Variants in SLC9B2 observed in about 807,000 individuals in gnomAD.
The protein encoded by SLC9B2 is solute carrier family 9 member B2, also known as sodium/hydrogen exchanger 9B2.
In SLC9B2, 39 loss-of-function variants were observed where a neutral mutation model predicts 52.2. The observed-to-expected ratio is 0.75, with a 90% confidence interval of 0.58 to 0.98. The LOEUF is 0.98. Ranked by LOEUF, SLC9B2 falls within the 50% of genes least tolerant of loss-of-function variation. The probability of loss-of-function intolerance (pLI) is 0.00; values close to 1 mark genes in which losing one functional copy is unlikely to be tolerated. For synonymous variants in SLC9B2, 214 were observed against 227.0 expected, an observed-to-expected ratio of 0.94 and a Z score of 0.51; for missense variants, 626 against 637.5, an observed-to-expected ratio of 0.98 and a Z score of 0.19.
At chr4:103,057,249 T>C (rs1745207707) in intron 4 of SLC9B2, among the ~76,000 whole-genome samples, 1 of 37,508 alleles carries the variant, frequency 2.7e-5, no homozygotes, top group East Asian at 5.4e-4. Context: ...TTTAAGTATA[T>C]ATATATATAT....
intron 1 of SLC9B2, among the ~76,000 whole-genome samples, chr4:103,072,375 T>C (rs1746738992): frequency 6.6e-6 from 1 of 152,186 alleles, no homozygotes; most frequent in Non-Finnish European, 1.5e-5. Context: ...CATATCTTTA[T>C]GTCAAATATC....
At chr4:103,019,988 G>T, downstream of SLC9B2, 1 of 938,576 alleles carries the variant, frequency 1.1e-6, no homozygotes, top group Non-Finnish European at 1.3e-6. Flanking sequence ...AACTCAGATT[G>T]TGTTTCCCCT....
intron 6 of SLC9B2, among the ~76,000 whole-genome samples, chr4:103,048,216 C>T (rs1401912977): frequency 2.6e-5 from 4 of 152,138 alleles, no homozygotes; most frequent in Non-Finnish European, 4.4e-5. Flanking sequence ...GCACTTTACA[C>T]GTATTCACTA....
At chr4:103,049,647 A>G (rs533816760) in intron 5 of SLC9B2, among the ~76,000 whole-genome samples, 2 of 152,292 alleles carry the variant, frequency 1.3e-5, no homozygotes, top group East Asian at 3.9e-4. Context: ...GTCTATATGT[A>G]CATCAGAGAA....
intron 3 of SLC9B2, among the ~76,000 whole-genome samples, chr4:103,060,984 C>T (rs1469520057): frequency 6.6e-6 from 1 of 152,170 alleles, no homozygotes; most frequent in Non-Finnish European, 1.5e-5. Context: ...TGGCATCACA[C>T]TGGGTTTCAA....
rs1166515240 is a variant in SLC9B2 at position 103,025,748 on chromosome 4, G to A, written c.*622C>T. ...AGGAACCTGGGTGGTCAGCTAGGGG[G>A]CAGGATAAAGTTTTTTGACATCTGG... On this transcript the variant is annotated 3_prime_UTR_variant, in exon 12 of 12. Coordinates refer to ENST00000394785, the MANE Select transcript of SLC9B2 (RefSeq NM_178833.7). 2 of 152,206 alleles carry A rather than the reference G, an allele frequency of 1.3e-5. No homozygotes were observed. The highest frequency in any genetic ancestry group is 2.9e-5 in the Non-Finnish European group (2 of 68,126). The allele number at this position is 152,206 out of a possible 1,614,324, so 9.4% of individuals were successfully genotyped here.
intron 9 of SLC9B2, among the ~76,000 whole-genome samples, chr4:103,032,890 G>T (rs945931123): frequency 5.3e-5 from 8 of 152,156 alleles, no homozygotes; most frequent in Non-Finnish European, 5.9e-5. Context: ...CAGCCCTGCA[G>T]GCAGGAATGT....
rs1421402853 is a variant in SLC9B2 at position 103,025,233 on chromosome 4, T to C, written c.*1137A>G. 6.6e-6 allele frequency among the ~76,000 whole-genome samples: 1 copy of C among 152,206 alleles called. No individual in the cohort carries two copies. Among genetic ancestry groups the C allele is most frequent in the Non-Finnish European group, 1.5e-5 (1 of 68,032 alleles). On this transcript the variant is annotated 3_prime_UTR_variant, in exon 12 of 12. Transcript: ENST00000394785. Reference sequence around the variant, plus strand: ...CTTGAGAGATAGAATGGAGATATGGTAGAGATCCATTTTTAACCCATTTAT... The same window carrying C: ...CTTGAGAGATAGAATGGAGATATGGCAGAGATCCATTTTTAACCCATTTAT...
intron 10 of SLC9B2, among the ~76,000 whole-genome samples, chr4:103,030,153 G>A (rs1337581032): frequency 6.6e-6 from 1 of 152,110 alleles, no homozygotes; most frequent in Non-Finnish European, 1.5e-5. Context: ...CATACAAGTG[G>A]TGCTGTCCAA....
At chr4:103,038,911 A>G (rs1243363520) in intron 9 of SLC9B2, among the ~76,000 whole-genome samples, 1 of 152,246 alleles carries the variant, frequency 6.6e-6, no homozygotes, top group Non-Finnish European at 1.5e-5. Context: ...TATAAGACCA[A>G]GCACAAAGTA....
chr4:103,028,728 G>A lies in SLC9B2; in HGVS notation c.1392+19C>T, dbSNP rs772658082. The A allele has an allele frequency of 6.3e-7, 1 of 1,590,922 alleles. No individual in the cohort carries two copies. Reference sequence around the variant, plus strand: ...GCAGAAATAGCAGTTAAAATGCTAAGCCATCCTATCCATCATACCTGAACT... The same window carrying A: ...GCAGAAATAGCAGTTAAAATGCTAAACCATCCTATCCATCATACCTGAACT... On this transcript the variant is annotated intron_variant, in intron 11 of 11. Transcript: ENST00000394785.
At chr4:103,059,927 A>G (rs1745477595) in intron 3 of SLC9B2, among the ~76,000 whole-genome samples, 1 of 152,162 alleles carries the variant, frequency 6.6e-6, no homozygotes, top group South Asian at 2.1e-4. Context: ...TTTATGTTAA[A>G]TTCTAGGTTG....
In SLC9B2 at chr4:103,044,954, A is replaced by G; in HGVS notation, c.932T>C (p.Val311Ala). 5 of 1,613,944 alleles carry G rather than the reference A, an allele frequency of 3.1e-6. No individual in the cohort carries two copies. The highest frequency in any genetic ancestry group is 4.2e-6 in the Non-Finnish European group (5 of 1,179,916). ...AACAGATCCAGTTGCCACACCAATT[A>G]CCACCTCCAAAACTCCTCTGAGGAC... ...FNVLRGVLEV[V>A]IGVATGSVLG... Residue 311 changes from valine to alanine, a missense_variant, in exon 8 of 12, where the codon GTA becomes GCA. Val to Ala is a moderately conservative substitution (Grantham distance 64). Coordinates refer to ENST00000394785, the MANE Select transcript of SLC9B2 (RefSeq NM_178833.7).
chr4:103,054,938 T>C (rs907456414), intron 4 of SLC9B2, among the ~76,000 whole-genome samples: 4 of 152,154 alleles, frequency 2.6e-5, no homozygotes, highest in African/African-American at 7.2e-5. Flanking sequence ...CACATGTACA[T>C]GTATGTTTAT....
In SLC9B2 at chr4:103,044,927, A is replaced by G; in HGVS notation, c.959T>C (p.Leu320Pro). Reference protein sequence around the residue: ...VVIGVATGSVLGFFIQYFPSR... With the variant: ...VVIGVATGSVPGFFIQYFPSR... ...TGGAAAGTACTGAATGAAAAATCCAAGAACAGATCCAGTTGCCACACCAAT... is the reference window on the plus strand; with the variant it reads ...TGGAAAGTACTGAATGAAAAATCCAGGAACAGATCCAGTTGCCACACCAAT... Residue 320 changes from leucine to proline, a missense_variant, in exon 8 of 12, where the codon CTT becomes CCT. Leu to Pro is a moderately conservative substitution (Grantham distance 98). Transcript: ENST00000394785. 1 of 1,614,016 alleles carries G rather than the reference A, an allele frequency of 6.2e-7. No individual in the cohort carries two copies. Among genetic ancestry groups the G allele is most frequent in the Non-Finnish European group, 8.5e-7 (1 of 1,179,902 alleles).
In SLC9B2 at chr4:103,057,918, A is replaced by G. The variant is rs1159128418; in HGVS notation, c.325T>C (p.Cys109Arg). The stretch of plus-strand genomic sequence containing the variant: ...CCAAATAGGTTTCCTCCAGGAAGAC[A>G]TTCACTGCCAGTAATTGACCAAACT... ...AVVWSITGSECLPGGNLFGII... is the reference protein window; with the variant it reads ...AVVWSITGSERLPGGNLFGII... The change falls in exon 4 of 12, where the codon TGT becomes CGT. Residue 109 changes from cysteine (C) to arginine (R), a missense_variant. Transcript: ENST00000394785. The G allele has an allele frequency of 6.2e-7, 1 of 1,614,014 alleles. No individual in the cohort carries two copies. Among genetic ancestry groups the G allele is most frequent in the Admixed American group, 1.7e-5 (1 of 59,986 alleles).
At chr4:103,030,362 T>TATA (rs1390404291) in intron 10 of SLC9B2, among the ~76,000 whole-genome samples, 1 of 152,118 alleles carries the variant, frequency 6.6e-6, no homozygotes, top group African/African-American at 2.4e-5. Flanking sequence ...ATAGGAAGTT[T>TATA]AAGAACTTAA....
In SLC9B2 at chr4:103,076,364, G is replaced by C. The variant is rs1384857753; in HGVS notation, c.-223C>G. 1 of 152,312 alleles carries C rather than the reference G, an allele frequency of 6.6e-6. No homozygotes were observed. Among genetic ancestry groups the C allele is most frequent in the South Asian group, 2.1e-4 (1 of 4,836 alleles). The allele number at this position is 152,312 out of a possible 1,614,324, so 9.4% of individuals were successfully genotyped here. A position where few individuals can be genotyped will look rare whatever the true frequency, so the allele number is the denominator to read the frequency against. Reference sequence around the variant, plus strand: ...AAACGGTCTCAGGGCGCGGCACCGCGTGTAGTCGGCCCCGCCTTTCGCACG... The same window carrying C: ...AAACGGTCTCAGGGCGCGGCACCGCCTGTAGTCGGCCCCGCCTTTCGCACG... On this transcript the variant is annotated 5_prime_UTR_variant, in exon 1 of 12. Coordinates refer to ENST00000394785, the MANE Select transcript of SLC9B2 (RefSeq NM_178833.7).
rs1382170055 is a variant in SLC9B2 at position 103,047,032 on chromosome 4, T to C, written c.889+19A>G. 6.2e-7 allele frequency: 1 copy of C among 1,612,308 alleles called. No homozygotes were observed. The highest frequency in any genetic ancestry group is 8.5e-7 in the Non-Finnish European group (1 of 1,178,896). On this transcript the variant is annotated intron_variant, in intron 7 of 11. Transcript: ENST00000394785. ...CCTAGAATGCAAGAGTAAAGCCTGTTGTGAACTGATTAGGTTACCTGTGGA... is the reference window on the plus strand; with the variant it reads ...CCTAGAATGCAAGAGTAAAGCCTGTCGTGAACTGATTAGGTTACCTGTGGA...
Sources: allele counts gnomAD v4.1 joint callset (sites outside exome capture counted in the v4.1 genomes callset), GRCh38; gene constraint gnomAD v4.1.1; transcripts MANE v1.5; gene names NCBI Gene and HGNC (gene_info 2026-07-23, HGNC 2026-07-21).